BIRC6: variants seen among roughly 807,000 people sequenced by gnomAD.
The protein encoded by BIRC6 is dual E2 ubiquitin-conjugating enzyme/E3 ubiquitin-protein ligase BIRC6.
In BIRC6, 98 loss-of-function variants were observed where a neutral mutation model predicts 503.3. The ratio of observed to expected loss-of-function variants is 0.19; its 90% CI spans 0.17 to 0.23. The LOEUF is 0.23. Ranked by LOEUF, BIRC6 falls within the 10% of genes least tolerant of loss-of-function variation. The pLI is 1.00. For synonymous variants in BIRC6, 2,240 were observed against 2,078.7 expected, an observed-to-expected ratio of 1.08 and a Z score of -2.11; for missense variants, 5,360 against 5,806.0, an observed-to-expected ratio of 0.92 and a Z score of 2.50.
intron 4 of BIRC6, 105 bp downstream of exon 4, chr2:32,389,048 A>T (rs748506799): frequency 3.8e-6 from 3 of 786,242 alleles, no homozygotes; most frequent in African/African-American, 1.8e-5. Context: ...AAAATTTCAC[A>T]ATTTCTAGCC....
intron 65 of BIRC6, among the ~76,000 whole-genome samples, chr2:32,560,948 C>A (rs2059132037): frequency 6.6e-6 from 1 of 151,832 alleles, no homozygotes; most frequent in Admixed American, 6.6e-5. Flanking sequence ...ACCTGTAATC[C>A]CAGCACTTTG....
At chr2:32,418,696 T>C (rs2042630006) in intron 10 of BIRC6, among the ~76,000 whole-genome samples, 1 of 152,254 alleles carries the variant, frequency 6.6e-6, no homozygotes, top group African/African-American at 2.4e-5. Flanking sequence ...TTTTAATGCT[T>C]TCAATTATTT....
chr2:32,394,394 T>G (rs2039609098), intron 5 of BIRC6, among the ~76,000 whole-genome samples: 1 of 152,192 alleles, frequency 6.6e-6, no homozygotes, highest in Non-Finnish European at 1.5e-5. Flanking sequence ...ATATAAATTG[T>G]GCCTGGCCCT....
rs1225207684 is a variant in BIRC6, at chr2:32,580,250, G to A, written c.13355+4884G>A. Among the ~76,000 whole-genome samples, 5 of 152,112 alleles carry A rather than the reference G, an allele frequency of 3.3e-5. No individual in the cohort carries two copies. The East Asian group carries it at 7.7e-4, about 23-fold the overall frequency. On this transcript the variant is annotated intron_variant, in intron 66 of 73. Transcript: ENST00000421745. ...AGTACATACAGGTGTGAGCCACTGC[G>A]CTGGGCCAACCTGGCAGTTGTAACA...
At chr2:32,530,762 A>G (rs2056676050) in intron 60 of BIRC6, among the ~76,000 whole-genome samples, 1 of 152,178 alleles carries the variant, frequency 6.6e-6, no homozygotes. Flanking sequence ...AAATTTTGGT[A>G]CATTGTCTTT....
chr2:32,489,105 C>A (rs774390560), intron 42 of BIRC6, among the ~76,000 whole-genome samples: 1 of 151,282 alleles, frequency 6.6e-6, no homozygotes, highest in Non-Finnish European at 1.5e-5. Flanking sequence ...TGGTCAGTTT[C>A]CTGTGGAAGT....
chr2:32,435,954 G>A, intron 14 of BIRC6, 99 bp from the exon 15 acceptor site: 2 of 637,740 alleles, frequency 3.1e-6, no homozygotes, highest in Middle Eastern at 9.5e-4. Flanking sequence ...ATGATATTTT[G>A]TGTGGTGGTA....
chr2:32,512,061 A>G (rs541343466), intron 53 of BIRC6, among the ~76,000 whole-genome samples: 2 of 152,324 alleles, frequency 1.3e-5, no homozygotes, highest in Admixed American at 6.5e-5. Context: ...TTCTCTGCAT[A>G]GTACTTTTTA....
intron 29 of BIRC6, among the ~76,000 whole-genome samples, chr2:32,469,009 A>T (rs970018138): frequency 3.3e-5 from 5 of 152,180 alleles, no homozygotes; most frequent in Admixed American, 2.6e-4. Flanking sequence ...ATTGACATGC[A>T]CATCATTGTG....
intron 72 of BIRC6, among the ~76,000 whole-genome samples, chr2:32,611,093 A>G (rs561078947): frequency 6.9e-6 from 1 of 145,548 alleles, no homozygotes; most frequent in Non-Finnish European, 1.5e-5. Context: ...AATATTGTAG[A>G]GTTGATTAAA....
At chr2:32,460,208 T>C (rs1478158747) in intron 23 of BIRC6, among the ~76,000 whole-genome samples, 2 of 131,720 alleles carry the variant, frequency 1.5e-5, no homozygotes, top group African/African-American at 5.9e-5. Context: ...ATATCATATA[T>C]GATATATATA....
intron 55 of BIRC6, among the ~76,000 whole-genome samples, chr2:32,516,699 C>T (rs1364928339): frequency 6.6e-6 from 1 of 151,058 alleles, no homozygotes; most frequent in Non-Finnish European, 1.5e-5. Flanking sequence ...TATTATTTAT[C>T]ATAATAAATT....
chr2:32,576,556 G>T (rs570970130), intron 66 of BIRC6, among the ~76,000 whole-genome samples: 3 of 152,060 alleles, frequency 2.0e-5, no homozygotes, highest in Admixed American at 2.0e-4. Flanking sequence ...GTCATTTACC[G>T]TATTTACTGT....
intron 26 of BIRC6, among the ~76,000 whole-genome samples, chr2:32,465,742 TAGC>T (rs2148906335): frequency 6.6e-6 from 1 of 152,334 alleles, no homozygotes; most frequent in Admixed American, 6.5e-5. Flanking sequence ...TTTTGTGCTT[TAGC>T]AGCAGTAGAA....
intron 3 of BIRC6, among the ~76,000 whole-genome samples, chr2:32,385,150 T>G (rs2038255208): frequency 6.6e-6 from 1 of 152,246 alleles, no homozygotes; most frequent in Admixed American, 6.5e-5. Context: ...GGGGCTATGA[T>G]TCTGTAGCCA....
Position 32,468,719 on chromosome 2 carries a change from G to C in BIRC6, c.6063G>C (p.Glu2021Asp). 7 of 1,613,874 alleles carry C rather than the reference G, an allele frequency of 4.3e-6. No homozygotes were observed. The highest frequency in any genetic ancestry group is 5.9e-6 in the Non-Finnish European group (7 of 1,179,826). The change falls in exon 29 of 74, where the codon GAG becomes GAC. Residue 2021 changes from glutamate to aspartate, a missense_variant. Coordinates refer to ENST00000421745, the MANE Select transcript of BIRC6 (RefSeq NM_016252.4). Reference protein sequence around the residue: ...PEDLIQTSSTEQLRTIIRYLL... With the variant: ...PEDLIQTSSTDQLRTIIRYLL... Reference sequence around the variant, plus strand: ...ATTTAATTCAGACATCTTCCACAGAGCAGTTACGTACTATCATCAGATATT... The same window carrying C: ...ATTTAATTCAGACATCTTCCACAGACCAGTTACGTACTATCATCAGATATT...
intron 65 of BIRC6, among the ~76,000 whole-genome samples, chr2:32,568,571 G>A (rs958646548): frequency 3.3e-5 from 5 of 151,156 alleles, no homozygotes; most frequent in Admixed American, 6.6e-5. Flanking sequence ...TTGGCTGGGC[G>A]CAGTGGCTCA....
At position 32,414,789 on chromosome 2, in the gene BIRC6, G is replaced by GCCT; in HGVS notation, c.1500_1501insTCC (p.Ala500_Met501insSer). 1.2e-6 allele frequency: 2 copies of GCCT among 1,612,870 alleles called. No individual in the cohort carries two copies. On this transcript the variant is annotated inframe_insertion, in exon 10 of 74. Transcript: ENST00000421745. ...TAAAGGGCATACATCACAGAAGGAA[G>GCCT]CCATGGAAGTAAGCCTTGATATAAC...
intron 1 of BIRC6, among the ~76,000 whole-genome samples, chr2:32,367,253 C>T (rs764983927): frequency 1.3e-5 from 2 of 151,440 alleles, no homozygotes; most frequent in Non-Finnish European, 2.9e-5. Context: ...ACCTGAGGTA[C>T]GGAGTTCGAG....
Sources: gnomAD v4.1 joint callset for allele counts (sites outside exome capture counted in the v4.1 genomes callset) on GRCh38, gnomAD v4.1.1 for gene constraint, MANE v1.5 for transcripts, NCBI Gene and HGNC (gene_info 2026-07-23, HGNC 2026-07-21) for gene names.